BCAS4: variants seen among roughly 807,000 people sequenced by gnomAD.
BCAS4 encodes the protein breast carcinoma amplified sequence 4, also known as breast carcinoma-amplified sequence 4.
In BCAS4, 9 loss-of-function variants were observed where a neutral mutation model predicts 15.7. That is an observed-to-expected ratio of 0.57 (90% CI 0.34 to 1.00). The LOEUF is 1.00. BCAS4 is among the 50% of genes least tolerant of loss of function. BCAS4 has a pLI of 0.02. For synonymous variants in BCAS4, 101 were observed against 99.5 expected (o/e 1.02, Z -0.09); for missense variants, 225 against 239.1 (o/e 0.94, Z 0.39).
chr20:50,854,798 G>A (rs375064414), intron 4 of BCAS4, among the ~76,000 whole-genome samples: 59 of 152,306 alleles, frequency 3.9e-4, no homozygotes, highest in African/African-American at 1.4e-3. Context: ...TGTCTCTGAC[G>A]TCTTCAAGGC....
At chr20:50,877,374 G>T (rs1175014455), downstream of BCAS4, 1 of 152,168 alleles carries the variant, frequency 6.6e-6, no homozygotes, top group African/African-American at 2.4e-5. Context: ...GACCCCCAGG[G>T]TCTTCAAAGG....
chr20:50,866,302 C>T (rs1231598783), intron 4 of BCAS4, among the ~76,000 whole-genome samples: 2 of 152,230 alleles, frequency 1.3e-5, no homozygotes, highest in Non-Finnish European at 2.9e-5. Context: ...CTGGCATCCT[C>T]TTCAGCCTTA....
At chr20:50,853,849 GTAGATGTTTTGTATACTC>G (rs1978606788) in intron 4 of BCAS4, among the ~76,000 whole-genome samples, 1 of 138,574 alleles carries the variant, frequency 7.2e-6, no homozygotes, top group African/African-American at 3.0e-5. Context: ...TTTGTGCACT[GTAGATGTTTTGTATACTC>G]GGGGATGTTT....
At chr20:50,822,801 A>G (rs1163591753) in intron 2 of BCAS4, among the ~76,000 whole-genome samples, 1 of 151,462 alleles carries the variant, frequency 6.6e-6, no homozygotes, top group Non-Finnish European at 1.5e-5. Context: ...TAATTTTTGT[A>G]TTTTTAGTAG....
intron 4 of BCAS4, among the ~76,000 whole-genome samples, chr20:50,874,713 C>CTGGGGTCA (rs1488136440): frequency 1.3e-5 from 2 of 152,078 alleles, no homozygotes; most frequent in African/African-American, 4.8e-5. Context: ...CCCCTCTGCA[C>CTGGGGTCA]TGGGGTCATG....
At chr20:50,839,659 C>A (rs2088452803) in intron 3 of BCAS4, among the ~76,000 whole-genome samples, 1 of 152,198 alleles carries the variant, frequency 6.6e-6, no homozygotes, top group African/African-American at 2.4e-5. Context: ...TGCACCACCA[C>A]ACTCGGCTAA....
At chr20:50,813,291 TG>T (rs2088094790) in intron 1 of BCAS4, among the ~76,000 whole-genome samples, 1 of 152,142 alleles carries the variant, frequency 6.6e-6, no homozygotes, top group African/African-American at 2.4e-5. Context: ...TTTCCATTTT[TG>T]TGATTGCAGC....
chr20:50,863,478 G>A (rs1186196180), intron 4 of BCAS4, among the ~76,000 whole-genome samples: 1 of 151,952 alleles, frequency 6.6e-6, no homozygotes, highest in Non-Finnish European at 1.5e-5. Context: ...GGCTGGTCTT[G>A]AACTCCTGAC....
At chr20:50,847,032 G>T (rs1181874669) in intron 4 of BCAS4, among the ~76,000 whole-genome samples, 1 of 152,194 alleles carries the variant, frequency 6.6e-6, no homozygotes, top group Non-Finnish European at 1.5e-5. Flanking sequence ...GTTTGGATTT[G>T]ATGGAAAATG....
intron 1 of BCAS4, among the ~76,000 whole-genome samples, chr20:50,800,727 A>G (rs2087917636): frequency 6.6e-6 from 1 of 151,918 alleles, no homozygotes; most frequent in African/African-American, 2.4e-5. Context: ...ACGCCCGGCT[A>G]ATTTTTGTAG....
chr20:50,858,558 C>T lies in BCAS4; in HGVS notation c.399+16658C>T, dbSNP rs113491671. 1.8e-3 allele frequency among the ~76,000 whole-genome samples: 281 copies of T among 152,124 alleles called. 1 individual carries two copies. The highest frequency in any genetic ancestry group is 6.5e-3 in the African/African-American group (269 of 41,480). On this transcript the variant is annotated intron_variant, in intron 4 of 4. Coordinates refer to ENST00000371608, the MANE Select transcript of BCAS4 (RefSeq NM_198799.4). ...CAGAGGTTGCAGTGAGCCAAGATCGCGCCATTGTGCTCCAGCCTGGGTGAC... is the reference window on the plus strand; with the variant it reads ...CAGAGGTTGCAGTGAGCCAAGATCGTGCCATTGTGCTCCAGCCTGGGTGAC...
At chr20:50,818,401 GC>G in intron 2 of BCAS4, 119 bp downstream of exon 2, 1 of 958,644 alleles carries the variant, frequency 1.0e-6, no homozygotes, top group Non-Finnish European at 1.6e-6. Context: ...TGGGGCAGCG[GC>G]CAGCGCTGAG....
At chr20:50,852,374 G>GTT (rs1488173971) in intron 4 of BCAS4, among the ~76,000 whole-genome samples, 4 of 151,810 alleles carry the variant, frequency 2.6e-5, no homozygotes, top group Non-Finnish European at 5.9e-5. Context: ...CTTTGTGTGT[G>GTT]TGTGTGTGTG....
chr20:50,847,104 A>G (rs2088555256), intron 4 of BCAS4, among the ~76,000 whole-genome samples: 1 of 151,950 alleles, frequency 6.6e-6, no homozygotes, highest in Admixed American at 6.6e-5. Flanking sequence ...GATTCCGAGC[A>G]TGGAGCGGAA....
At chr20:50,797,814 C>T (rs954870735) in intron 1 of BCAS4, among the ~76,000 whole-genome samples, 6 of 151,884 alleles carry the variant, frequency 4.0e-5, no homozygotes, top group Non-Finnish European at 5.9e-5. Context: ...TACAGGCATG[C>T]GCCACCACGC....
chr20:50,816,286 A>G (rs2088136376), intron 1 of BCAS4, among the ~76,000 whole-genome samples: 1 of 152,206 alleles, frequency 6.6e-6, no homozygotes, highest in South Asian at 2.1e-4. Flanking sequence ...TTGGCCTCCC[A>G]AAGTGTTGGG....
intron 4 of BCAS4, among the ~76,000 whole-genome samples, chr20:50,853,757 GGGGTGTTTTGTGTACTGGA>G (rs1568678831): frequency 6.1e-5 from 9 of 146,816 alleles, no homozygotes; most frequent in South Asian, 2.2e-4. Context: ...TTGTGTACTG[GGGGTGTTTTGTGTACTGGA>G]GGGTGTTTTG....
At chr20:50,850,500 C>T (rs564208468) in intron 4 of BCAS4, among the ~76,000 whole-genome samples, 1 of 152,202 alleles carries the variant, frequency 6.6e-6, no homozygotes, top group Admixed American at 6.5e-5. Context: ...ACTTGCTCTT[C>T]GGCCAGCGTG....
chr20:50,863,372 C>T (rs938800413), intron 4 of BCAS4, among the ~76,000 whole-genome samples: 3 of 150,906 alleles, frequency 2.0e-5, no homozygotes, highest in Non-Finnish European at 4.4e-5. Flanking sequence ...ATTCTCCTGC[C>T]TCAGCCTCCC....
Sources: gnomAD v4.1 joint callset for allele counts (sites outside exome capture counted in the v4.1 genomes callset) on GRCh38, gnomAD v4.1.1 for gene constraint, MANE v1.5 for transcripts, NCBI Gene and HGNC (gene_info 2026-07-23, HGNC 2026-07-21) for gene names.